Variants in DECR2 observed in about 807,000 individuals in gnomAD.
DECR2 encodes the protein peroxisomal 2,4-dienoyl-CoA reductase [(3E)-enoyl-CoA-producing].
In DECR2, 34 loss-of-function variants were observed where a neutral mutation model predicts 29.2. The ratio of observed to expected loss-of-function variants is 1.16; its 90% CI spans 0.89 to 1.55. DECR2 has a LOEUF of 1.55. DECR2 is among the 40% of genes most tolerant of loss of function. The pLI is 0.00. For missense variants in DECR2, 485 were observed against 425.3 expected, an observed-to-expected ratio of 1.14 and a Z score of -1.23; for synonymous variants, 224 against 182.7, an observed-to-expected ratio of 1.23 and a Z score of -1.82.
chr16:405,106 TTGG>T, intron 2 of DECR2, 82 bp downstream of exon 2: 3 of 1,544,266 alleles, frequency 1.9e-6, no homozygotes, highest in Non-Finnish European at 2.7e-6. Context: ...TGGAAAGATG[TTGG>T]TGGGAGGTAG....
At chr16:406,254 TC>T (rs2054722166) in intron 2 of DECR2, 91 bp from the exon 3 acceptor site, 12 of 1,390,958 alleles carry the variant, frequency 8.6e-6, no homozygotes, top group Non-Finnish European at 1.1e-5. Flanking sequence ...GACTGGTACT[TC>T]CGCCTGAGAG....
chr16:403,016 G>A, intron 1 of DECR2: 1 of 984,722 alleles, frequency 1.0e-6, no homozygotes, highest in Non-Finnish European at 1.2e-6. Context: ...GTTCTCCAAG[G>A]ACAGGTATTG....
In DECR2 at chr16:410,661, GCT is replaced by G; in HGVS notation, c.463-28_463-27del. 1 of 1,572,708 alleles carries G rather than the reference GCT, an allele frequency of 6.4e-7. No individual in the cohort carries two copies. The highest frequency in any genetic ancestry group is 8.6e-7 in the Non-Finnish European group (1 of 1,159,044). On this transcript the variant is annotated intron_variant, in intron 5 of 8. Coordinates refer to ENST00000219481, the MANE Select transcript of DECR2 (RefSeq NM_020664.4). The surrounding 1 kb of genome is among the most constrained non-coding windows in gnomAD (Gnocchi z 4.1). ...CTGTGACCTCCCCCGACACCCGCCCGCTCACTGCCCCGGGCCTTGTGTGTTGC... is the reference window on the plus strand; with the variant it reads ...CTGTGACCTCCCCCGACACCCGCCCGCACTGCCCCGGGCCTTGTGTGTTGC...
intron 1 of DECR2, among the ~76,000 whole-genome samples, chr16:404,557 C>T (rs1237776023): frequency 6.6e-6 from 1 of 152,110 alleles, no homozygotes; most frequent in South Asian, 2.1e-4. Context: ...CATTTTAAAT[C>T]ATTGCCGTAT....
rs76954030 is a variant in DECR2 at position 405,865 on chromosome 16, C to T, written c.150-481C>T. The stretch of plus-strand genomic sequence containing the variant: ...AAGGCAGGACTTCTTTGTGCTCTTT[C>T]GCAAGAACAGTAGATAAGCTGGAAA... On this transcript the variant is annotated intron_variant, in intron 2 of 8. Transcript: ENST00000219481. Among the ~76,000 whole-genome samples, 1,410 of 152,298 alleles carry T rather than the reference C, an allele frequency of 9.3e-3. 17 individuals carry two copies. The highest frequency in any genetic ancestry group is 0.021 in the African/African-American group (886 of 41,560).
In DECR2 at chr16:410,792, C is replaced by T. The variant is rs778456055; in HGVS notation, c.556+8C>T. Reference sequence around the variant, plus strand: ...CCGCCAAGGCCGCTGTGGGTATGACCACCCCCCCCCGCCCAGGTTTGCCCA... The same window carrying T: ...CCGCCAAGGCCGCTGTGGGTATGACTACCCCCCCCCGCCCAGGTTTGCCCA... On this transcript the variant is annotated splice_region_variant and intron_variant, in intron 6 of 8. Transcript: ENST00000219481. The surrounding 1 kb of genome is among the most constrained non-coding windows in gnomAD (Gnocchi z 4.1). 3.9e-5 allele frequency: 62 copies of T among 1,576,438 alleles called. No individual in the cohort carries two copies. Among genetic ancestry groups the T allele is most frequent in the Non-Finnish European group, 5.1e-5 (59 of 1,162,258 alleles).
intron 4 of DECR2, chr16:409,979 A>C (rs938647181): frequency 5.8e-6 from 3 of 518,228 alleles, no homozygotes; most frequent in Non-Finnish European, 1.0e-5. Flanking sequence ...TATCTCTGCA[A>C]CCCACCCCAT....
In DECR2 at chr16:412,215, G is replaced by C. The variant is rs2054826404; in HGVS notation, c.*326G>C. On this transcript the variant is annotated 3_prime_UTR_variant, in exon 9 of 9. Transcript: ENST00000219481. ...GCCTGCCTGGGTCCAGGGCCTGAGG[G>C]AGCCACATGGATCCCGAGACTTGTG... 6.6e-6 allele frequency: 1 copy of C among 152,608 alleles called. No individual in the cohort carries two copies. The highest frequency in any genetic ancestry group is 2.4e-5 in the African/African-American group (1 of 41,466). The allele number at this position is 152,608 out of a possible 1,614,324, so 9.5% of individuals were successfully genotyped here.
rs1350635445 is a variant in DECR2 at position 410,556 on chromosome 16, G to A, written c.463-135G>A. 1.8e-5 allele frequency: 26 copies of A among 1,420,522 alleles called. No homozygotes were observed. The East Asian group carries it at 4.1e-4, about 22-fold the overall frequency. 88.0% of individuals were successfully genotyped at this position (1,420,522 alleles called of 1,614,324 possible). A position where few individuals can be genotyped will look rare whatever the true frequency, so the allele number is the denominator to read the frequency against. ...CTGGGCCTCCCCATGACGGCCGCCC[G>A]CTCCCTGCCCTGGGCCTCCCCCTGA... On this transcript the variant is annotated intron_variant, in intron 5 of 8. Coordinates refer to ENST00000219481, the MANE Select transcript of DECR2 (RefSeq NM_020664.4). This position sits in a 1 kb window ranked among gnomAD's most constrained non-coding sequence, Gnocchi z 4.1.
chr16:407,381 C>T, intron 3 of DECR2, 44 bp from the exon 4 acceptor site: 1 of 1,566,084 alleles, frequency 6.4e-7, no homozygotes, highest in South Asian at 1.1e-5. Flanking sequence ...TTTCTCCAGG[C>T]CGAGGCTGCA....
chr16:408,522 CTTT>C (rs770893268), intron 4 of DECR2, among the ~76,000 whole-genome samples: 2 of 143,048 alleles, frequency 1.4e-5, no homozygotes, highest in African/African-American at 2.6e-5. Context: ...AAGTAATAGC[CTTT>C]TTTTTTTTTT....
At position 411,577 on chromosome 16, in the gene DECR2, A is replaced by G; in HGVS notation, c.878A>G (p.Ter293TrpextTer20). The stretch of plus-strand genomic sequence containing the variant: ...TTCGCATCCTTCTCTGCTAAGCTCT[A>G]GGTGAGGTACTGCTCCCGCTTCTTG... ...PDFASFSAKL[*>W] Residue 293 changes from the stop codon to tryptophan (W), a stop_lost and splice_region_variant, in exon 8 of 9, where the codon TAG becomes TGG. Transcript: ENST00000219481. 2 of 1,609,844 alleles carry G rather than the reference A, an allele frequency of 1.2e-6. No homozygotes were observed. The highest frequency in any genetic ancestry group is 2.2e-5 in the South Asian group (2 of 90,454).
At chr16:403,108 C>T (rs577528342) in intron 1 of DECR2, 2 of 830,264 alleles carry the variant, frequency 2.4e-6, no homozygotes, top group East Asian at 1.2e-4. Flanking sequence ...AAGCAATTCT[C>T]CTGCCTCAGC....
At chr16:405,720 C>A in intron 2 of DECR2, 2 of 720,990 alleles carry the variant, frequency 2.8e-6, no homozygotes, top group Non-Finnish European at 4.3e-6. Context: ...GGCTGTGAGA[C>A]GGGCGTCTCC....
At chr16:402,866 T>C (rs1173710033) in intron 1 of DECR2, 2 of 190,296 alleles carry the variant, frequency 1.1e-5, no homozygotes, top group African/African-American at 4.8e-5. Context: ...ACACCTGTAA[T>C]CCCAACTACT....
chr16:411,779 C>T (rs1335258933), intron 8 of DECR2, 111 bp from the exon 9 acceptor site: 11 of 536,442 alleles, frequency 2.1e-5, no homozygotes, highest in African/African-American at 5.9e-5. Flanking sequence ...TCTTCTGTAG[C>T]GGCCTCGGCC....
intron 3 of DECR2, chr16:407,100 A>G: frequency 8.8e-7 from 1 of 1,142,288 alleles, no homozygotes. Context: ...CGTCCCACCT[A>G]CTGGAGCCCT....
chr16:411,034 GC>G lies in DECR2; in HGVS notation c.623del (p.Pro208LeufsTer20). The G allele has an allele frequency of 1.3e-6, 2 of 1,589,242 alleles. No individual in the cohort carries two copies. The highest frequency in any genetic ancestry group is 1.7e-6 in the Non-Finnish European group (2 of 1,169,676). On this transcript the variant is annotated frameshift_variant, in exon 7 of 9. Transcript: ENST00000219481. LOFTEE classifies it high-confidence loss of function. Reference protein sequence around the residue: ...GPQNIRVNSLAPGPISGTEGL... With the variant: ...GPQNIRVNSLXPGPISGTEGL... Reference sequence around the variant, plus strand: ...CCAAAACATCCGCGTCAACAGCCTCGCCCCTGGCCCCATCAGTGGCACAGAG... The same window carrying G: ...CCAAAACATCCGCGTCAACAGCCTCGCCCTGGCCCCATCAGTGGCACAGAG...
rs1223955161 is a variant in DECR2 at position 406,798 on chromosome 16, CCGG to C, written c.201+403_201+405del. The C allele has an allele frequency of 4.5e-4, 294 of 654,364 alleles. 7 individuals carry two copies. The highest frequency in any genetic ancestry group is 2.2e-3 in the Middle Eastern group (3 of 1,392). 40.5% of individuals were successfully genotyped at this position (654,364 alleles called of 1,614,324 possible). A position where few individuals can be genotyped will look rare whatever the true frequency, so the allele number is the denominator to read the frequency against. ...TACAGGTGTGAACCACTGTGCCCGGCCGGCACCTCAGCCTCCCAAAGTGCCAGG... is the reference window on the plus strand; with the variant it reads ...TACAGGTGTGAACCACTGTGCCCGGCCACCTCAGCCTCCCAAAGTGCCAGG... On this transcript the variant is annotated intron_variant, in intron 3 of 8. Transcript: ENST00000219481.
Sources: gnomAD v4.1 joint callset for allele counts (sites outside exome capture counted in the v4.1 genomes callset) on GRCh38, gnomAD v4.1.1 for gene constraint, Gnocchi (gnomAD v3.1) non-coding constraint, MANE v1.5 for transcripts, NCBI Gene and HGNC (gene_info 2026-07-23, HGNC 2026-07-21) for gene names.